ZNF385D: variants seen among roughly 807,000 people sequenced by gnomAD.
ZNF385D encodes the protein zinc finger protein 659.
A neutral mutation model predicts 35.8 loss-of-function variants in ZNF385D; 15 were observed. That is an observed-to-expected ratio of 0.42 (90% CI 0.28 to 0.64). The LOEUF (loss-of-function observed/expected upper bound fraction) is 0.64, where lower values mean the gene tolerates loss of function less well. ZNF385D is among the 30% of genes least tolerant of loss of function. The probability of loss-of-function intolerance (pLI) is 0.23; values close to 1 mark genes in which losing one functional copy is unlikely to be tolerated. For missense variants in ZNF385D, 474 were observed against 494.6 expected (o/e 0.96, Z 0.39); for synonymous variants, 212 against 186.8 (o/e 1.13, Z -1.10).
intron 3 of ZNF385D, among the ~76,000 whole-genome samples, chr3:21,906,358 G>C (rs957598095): frequency 2.0e-5 from 3 of 152,120 alleles, no homozygotes; most frequent in East Asian, 1.9e-4. Flanking sequence ...CAAATTCTTA[G>C]TTGGTAGCAT....
At chr3:22,326,655 C>T (rs559604049) in intron 2 of ZNF385D, among the ~76,000 whole-genome samples, 15 of 152,152 alleles carry the variant, frequency 9.9e-5, no homozygotes, top group Non-Finnish European at 1.5e-4. Flanking sequence ...ACAGGTAACA[C>T]TTAGATGGAT....
At chr3:21,841,850 C>T (rs1447543730) in intron 3 of ZNF385D, among the ~76,000 whole-genome samples, 1 of 151,168 alleles carries the variant, frequency 6.6e-6, no homozygotes, top group Non-Finnish European at 1.5e-5. Flanking sequence ...TTTTTCTGTG[C>T]CTTTATACTT....
intron 1 of ZNF385D, among the ~76,000 whole-genome samples, chr3:21,722,871 A>C (rs1322086362): frequency 6.6e-6 from 1 of 152,060 alleles, no homozygotes; most frequent in Non-Finnish European, 1.5e-5. Context: ...CTTCTCCTCC[A>C]TTTCTCATAC....
At chr3:21,461,932 A>G (rs1194977070) in intron 4 of ZNF385D, among the ~76,000 whole-genome samples, 2 of 152,236 alleles carry the variant, frequency 1.3e-5, no homozygotes, top group East Asian at 3.8e-4. Flanking sequence ...TATCTGACTT[A>G]GAGCCTTCCT....
chr3:22,258,544 C>A (rs1018897540), intron 2 of ZNF385D, among the ~76,000 whole-genome samples: 12 of 151,402 alleles, frequency 7.9e-5, no homozygotes, highest in African/African-American at 2.2e-4. Flanking sequence ...CTCTGGGTAG[C>A]AGAACTTGTA....
intron 3 of ZNF385D, among the ~76,000 whole-genome samples, chr3:21,805,227 A>T (rs2072586917): frequency 6.6e-6 from 1 of 152,240 alleles, no homozygotes; most frequent in Non-Finnish European, 1.5e-5. Context: ...TGGGTGATCT[A>T]TTTAAATTAG....
At chr3:22,036,918 T>G (rs1290036000) in intron 3 of ZNF385D, among the ~76,000 whole-genome samples, 4 of 141,658 alleles carry the variant, frequency 2.8e-5, no homozygotes, top group Admixed American at 7.7e-5. Flanking sequence ...CGTGTCCATG[T>G]GTTCTCATTG....
At chr3:22,095,472 A>G (rs1409080337) in intron 3 of ZNF385D, among the ~76,000 whole-genome samples, 1 of 151,890 alleles carries the variant, frequency 6.6e-6, no homozygotes, top group African/African-American at 2.4e-5. Flanking sequence ...AGCATATCCC[A>G]TTTCTATGGG....
intron 3 of ZNF385D, among the ~76,000 whole-genome samples, chr3:21,802,698 A>C (rs2072461720): frequency 6.6e-6 from 1 of 152,152 alleles, no homozygotes; most frequent in African/African-American, 2.4e-5. Context: ...TGGTAGTACA[A>C]TCTCACTATC....
At chr3:21,427,414 T>C (rs1267163306) in intron 5 of ZNF385D, among the ~76,000 whole-genome samples, 3 of 152,190 alleles carry the variant, frequency 2.0e-5, no homozygotes, top group Non-Finnish European at 4.4e-5. Context: ...AAATTCACTT[T>C]TGGTTAATAT....
At chr3:22,157,193 T>A (rs1320971810) in intron 3 of ZNF385D, among the ~76,000 whole-genome samples, 1 of 152,134 alleles carries the variant, frequency 6.6e-6, no homozygotes, top group Non-Finnish European at 1.5e-5. Context: ...TTTGGCAAAT[T>A]TCTTTACTTT....
At chr3:21,483,498 C>G (rs925364927) in intron 4 of ZNF385D, among the ~76,000 whole-genome samples, 1 of 152,100 alleles carries the variant, frequency 6.6e-6, no homozygotes, top group Non-Finnish European at 1.5e-5. Flanking sequence ...TATATGTTTA[C>G]TTTTACAAGA....
At chr3:21,742,342 G>A (rs1298311206) in intron 1 of ZNF385D, among the ~76,000 whole-genome samples, 1 of 152,152 alleles carries the variant, frequency 6.6e-6, no homozygotes, top group Non-Finnish European at 1.5e-5. Context: ...CCTCTTAAGT[G>A]TATCTTCCCC....
chr3:21,891,254 G>A (rs2244460), intron 3 of ZNF385D, among the ~76,000 whole-genome samples: 39,110 of 151,904 alleles, frequency 0.26, 5,349 homozygotes, highest in African/African-American at 0.36. Context: ...GACTCTCATC[G>A]TCAGTATTAT....
At chr3:21,905,162 A>G (rs996522725) in intron 3 of ZNF385D, among the ~76,000 whole-genome samples, 2 of 141,230 alleles carry the variant, frequency 1.4e-5, no homozygotes, top group Non-Finnish European at 3.0e-5. Flanking sequence ...GTTCATCAGT[A>G]TCAGTTTCCC....
intron 2 of ZNF385D, among the ~76,000 whole-genome samples, chr3:21,640,989 C>A (rs139421250): frequency 1.1e-3 from 165 of 152,166 alleles, no homozygotes; most frequent in African/African-American, 3.8e-3. Flanking sequence ...AAAATGGTCA[C>A]TGTTAGAGTC....
At chr3:21,877,365 C>G (rs1005859635) in intron 3 of ZNF385D, among the ~76,000 whole-genome samples, 1 of 152,036 alleles carries the variant, frequency 6.6e-6, no homozygotes, top group African/African-American at 2.4e-5. Flanking sequence ...AATTCAAGAG[C>G]AGATGCCCTC....
chr3:22,121,535 C>T (rs1703087657), intron 3 of ZNF385D, among the ~76,000 whole-genome samples: 1 of 152,150 alleles, frequency 6.6e-6, no homozygotes, highest in Non-Finnish European at 1.5e-5. Context: ...GTTGGTGAGC[C>T]TGTACAGAAG....
At chr3:21,510,310 G>T (rs1707105330) in intron 4 of ZNF385D, among the ~76,000 whole-genome samples, 1 of 151,974 alleles carries the variant, frequency 6.6e-6, no homozygotes, top group Non-Finnish European at 1.5e-5. Context: ...AAGAGTAATT[G>T]GTATCAATAA....
Sources: gnomAD v4.1 joint callset for allele counts (sites outside exome capture counted in the v4.1 genomes callset) on GRCh38, gnomAD v4.1.1 for gene constraint, MANE v1.5 for transcripts, NCBI Gene and HGNC (gene_info 2026-07-23, HGNC 2026-07-21) for gene names.